Variants in DOCK4 observed in about 807,000 individuals in gnomAD.
DOCK4 encodes the protein dedicator of cytokinesis 4.
Under a neutral mutation model 268.1 loss-of-function variants are expected in DOCK4, and 97 were observed. That is an observed-to-expected ratio of 0.36 (90% CI 0.31 to 0.43). The LOEUF (loss-of-function observed/expected upper bound fraction) is 0.43, where lower values mean the gene tolerates loss of function less well. Ranked by LOEUF, DOCK4 falls within the 20% of genes least tolerant of loss-of-function variation. The pLI is 1.00. For missense variants in DOCK4, 2,145 were observed against 2,455.7 expected, an observed-to-expected ratio of 0.87 and a Z score of 2.67; for synonymous variants, 954 against 887.2, an observed-to-expected ratio of 1.08 and a Z score of -1.34.
At chr7:112,054,461 T>G (rs1805643986) in intron 1 of DOCK4, among the ~76,000 whole-genome samples, 1 of 152,122 alleles carries the variant, frequency 6.6e-6, no homozygotes, top group South Asian at 2.1e-4. Context: ...ATACTGACCT[T>G]GTAGCCAAAG....
At chr7:111,765,277 A>G in intron 38 of DOCK4, 55 bp from the exon 39 acceptor site, 2 of 967,912 alleles carry the variant, frequency 2.1e-6, no homozygotes, top group Non-Finnish European at 3.0e-6. Context: ...GGTTCTATCA[A>G]ATTTATAGAA....
chr7:112,147,740 C>T (rs373817827), intron 1 of DOCK4, among the ~76,000 whole-genome samples: 1 of 148,496 alleles, frequency 6.7e-6, no homozygotes, highest in South Asian at 2.1e-4. Context: ...ATTGAAGACA[C>T]GAGTGAAGAA....
rs777858234 is a variant in DOCK4 at position 111,728,661 on chromosome 7, G to A, written c.5541C>T (p.Ser1847=). Residue 1847 remains serine (S), a synonymous_variant, in exon 53 of 53, where the codon TCC becomes TCT. Coordinates refer to ENST00000428084, the MANE Select transcript of DOCK4 (RefSeq NM_001363540.2). The stretch of plus-strand genomic sequence containing the variant: ...AGCTGCCCGACAAGACAGGGGAGTT[G>A]GAGATGAGTCCTGGCGAGTGGTACT... ...PVEYHSPGLI[S]NSPVLSGSYS... 7 of 1,614,016 alleles carry A rather than the reference G, an allele frequency of 4.3e-6. No individual in the cohort carries two copies. The highest frequency in any genetic ancestry group is 1.1e-5 in the South Asian group (1 of 91,086).
intron 25 of DOCK4, among the ~76,000 whole-genome samples, chr7:111,837,367 A>G (rs1803315388): frequency 6.6e-6 from 1 of 152,232 alleles, no homozygotes; most frequent in East Asian, 1.9e-4. Flanking sequence ...AAGCTTATTC[A>G]CCACCTCTAT....
intron 1 of DOCK4, among the ~76,000 whole-genome samples, chr7:112,196,734 A>T (rs1003668146): frequency 2.0e-5 from 3 of 152,140 alleles, no homozygotes; most frequent in Non-Finnish European, 4.4e-5. Context: ...GAAGCCACCA[A>T]TAGGTTTTTT....
At chr7:112,160,027 T>A (rs1210727462) in intron 1 of DOCK4, among the ~76,000 whole-genome samples, 1 of 152,154 alleles carries the variant, frequency 6.6e-6, no homozygotes, top group East Asian at 1.9e-4. Flanking sequence ...CTTATAGATT[T>A]GGGATGCTCA....
At chr7:111,952,526 T>C (rs1208317865) in intron 8 of DOCK4, among the ~76,000 whole-genome samples, 1 of 152,232 alleles carries the variant, frequency 6.6e-6, no homozygotes, top group Non-Finnish European at 1.5e-5. Context: ...TCTGCATGGA[T>C]TTATATTTAT....
intron 1 of DOCK4, among the ~76,000 whole-genome samples, chr7:112,198,840 T>C (rs1369287606): frequency 6.6e-6 from 1 of 152,254 alleles, no homozygotes; most frequent in Non-Finnish European, 1.5e-5. Context: ...ATACCTGGAA[T>C]ATATTTTTGA....
chr7:111,884,862 T>C (rs912286084), intron 16 of DOCK4, among the ~76,000 whole-genome samples: 5 of 152,142 alleles, frequency 3.3e-5, no homozygotes, highest in African/African-American at 1.2e-4. Context: ...ATAATACAAA[T>C]GAGGTTCTAG....
intron 8 of DOCK4, among the ~76,000 whole-genome samples, chr7:111,954,562 A>G (rs1347882143): frequency 6.6e-6 from 1 of 152,154 alleles, no homozygotes; most frequent in African/African-American, 2.4e-5. Context: ...CCCAAGGCGC[A>G]AGACCCAGCA....
chr7:112,206,205 GCA>G lies in DOCK4; in HGVS notation c.-69_-68del. 6.7e-7 allele frequency: 1 copy of G among 1,501,106 alleles called. No homozygotes were observed. Among genetic ancestry groups the G allele is most frequent in the Non-Finnish European group, 9.1e-7 (1 of 1,101,262 alleles). 93.0% of individuals were successfully genotyped at this position (1,501,106 alleles called of 1,614,324 possible). ...CGCCCCTTCTCCGGCTCACAACAAT[GCA>G]CAGTCCCCGAGCAGCGCTGCAGTGC... is the stretch of plus-strand genomic sequence containing the variant. On this transcript the variant is annotated 5_prime_UTR_variant, in exon 1 of 53. Transcript: ENST00000428084.
intron 8 of DOCK4, among the ~76,000 whole-genome samples, chr7:111,948,902 A>G (rs180893195): frequency 6.6e-6 from 1 of 151,522 alleles, no homozygotes; most frequent in African/African-American, 2.4e-5. Flanking sequence ...TTAACGAAAC[A>G]TGCTTAGAAA....
chr7:112,049,142 G>C (rs954222254), intron 1 of DOCK4, among the ~76,000 whole-genome samples: 2 of 151,924 alleles, frequency 1.3e-5, no homozygotes, highest in Non-Finnish European at 1.5e-5. Context: ...TTTTGAATTT[G>C]CTATTATTTA....
intron 8 of DOCK4, among the ~76,000 whole-genome samples, chr7:111,962,540 G>C (rs1005847682): frequency 6.6e-6 from 1 of 152,088 alleles, no homozygotes; most frequent in Non-Finnish European, 1.5e-5. Context: ...TGGCCACTTC[G>C]ATTACCGTGC....
At chr7:112,079,278 T>C (rs10256513) in intron 1 of DOCK4, among the ~76,000 whole-genome samples, 55,228 of 152,052 alleles carry the variant, frequency 0.36, 10,352 homozygotes, top group Non-Finnish European at 0.41. Flanking sequence ...TGAGGGAGAC[T>C]TTGCTTACCT....
chr7:112,004,204 G>A, intron 1 of DOCK4, 73 bp from the exon 2 acceptor site: 1 of 1,156,422 alleles, frequency 8.6e-7, no homozygotes, highest in Non-Finnish European at 1.2e-6. Flanking sequence ...TTATTGACTA[G>A]GAAAAATGAA....
chr7:111,785,373 G>A (rs780572998), intron 32 of DOCK4, among the ~76,000 whole-genome samples: 3 of 152,080 alleles, frequency 2.0e-5, no homozygotes, highest in African/African-American at 7.2e-5. Flanking sequence ...AAATTTCCCC[G>A]TGACAGCCTA....
rs59052406 is a variant in DOCK4 at position 112,165,559 on chromosome 7, T to TGTGTGTGCGC, written c.37+40542_37+40543insGCGCACACAC. 2.2e-3 allele frequency among the ~76,000 whole-genome samples: 326 copies of TGTGTGTGCGC among 148,254 alleles called. 1 individual carries two copies. Among genetic ancestry groups the TGTGTGTGCGC allele is most frequent in the Non-Finnish European group, 3.7e-3 (245 of 67,020 alleles). On this transcript the variant is annotated intron_variant, in intron 1 of 52. Coordinates refer to ENST00000428084, the MANE Select transcript of DOCK4 (RefSeq NM_001363540.2). ...GTGTGTGTGTGTGTGTGTGTGTGTG[T>TGTGTGTGCGC]GCGTGTGTGTGTGTATCCCATTTCT...
intron 13 of DOCK4, among the ~76,000 whole-genome samples, chr7:111,915,279 T>C (rs1792490897): frequency 6.6e-6 from 1 of 152,184 alleles, no homozygotes; most frequent in African/African-American, 2.4e-5. Context: ...TAGATCTAAA[T>C]CATACACACA....
Sources: gnomAD v4.1 joint callset for allele counts (sites outside exome capture counted in the v4.1 genomes callset) on GRCh38, gnomAD v4.1.1 for gene constraint, MANE v1.5 for transcripts, NCBI Gene and HGNC (gene_info 2026-07-23, HGNC 2026-07-21) for gene names.